PPP2R1B: variants seen among roughly 807,000 people sequenced by gnomAD.
PPP2R1B encodes the protein serine/threonine-protein phosphatase 2A 65 kDa regulatory subunit A beta isoform.
PPP2R1B carries 58 observed loss-of-function variants against 72.7 expected under a neutral mutation model. The ratio of observed to expected loss-of-function variants is 0.80; its 90% CI spans 0.65 to 0.99. PPP2R1B has a LOEUF of 0.99. Ranked by LOEUF, PPP2R1B falls within the 50% of genes least tolerant of loss-of-function variation. The pLI, the probability that PPP2R1B is intolerant of heterozygous loss-of-function variation, is 0.00. For missense variants in PPP2R1B, 695 were observed against 733.6 expected, an observed-to-expected ratio of 0.95 and a Z score of 0.61; for synonymous variants, 256 against 264.6, an observed-to-expected ratio of 0.97 and a Z score of 0.32.
downstream of PPP2R1B, chr11:111,726,884 G>C: frequency 7.7e-7 from 1 of 1,299,788 alleles, no homozygotes. Context: ...TGAGATGAAC[G>C]TGAGGTAAAA....
At chr11:111,703,192 G>T in the PPP2R1B span, 1 of 1,613,180 alleles carries the variant, frequency 6.2e-7, no homozygotes, top group Non-Finnish European at 8.5e-7. Context: ...GTAACATTGT[G>T]TTTTCTATAG....
chr11:111,718,446 A>G, the PPP2R1B span, among the ~76,000 whole-genome samples: 6 of 152,206 alleles, frequency 3.9e-5, no homozygotes, highest in Non-Finnish European at 8.8e-5. Flanking sequence ...GTGGAAAGGA[A>G]GCATTTACCA....
At chr11:111,692,606 A>G in the PPP2R1B span, among the ~76,000 whole-genome samples, 2 of 152,124 alleles carry the variant, frequency 1.3e-5, no homozygotes, top group Non-Finnish European at 2.9e-5. Context: ...ATGGATTCCA[A>G]TGTCTTTAAA....
the PPP2R1B span, among the ~76,000 whole-genome samples, chr11:111,690,098 C>A: frequency 6.6e-6 from 1 of 151,850 alleles, no homozygotes; most frequent in Non-Finnish European, 1.5e-5. Flanking sequence ...TAGTTTATGT[C>A]TGTTCACTTC....
chr11:111,764,940 A>G, intron 2 of PPP2R1B, 35 bp from the exon 3 acceptor site: 2 of 1,609,198 alleles, frequency 1.2e-6, no homozygotes, highest in Non-Finnish European at 1.7e-6. Context: ...ATCAACATGG[A>G]TAGCTCTCCC....
the PPP2R1B span, chr11:111,721,759 G>T: frequency 8.4e-7 from 1 of 1,195,018 alleles, no homozygotes. Flanking sequence ...TTGCAAAGGT[G>T]CTTCAGCTAA....
intron 3 of PPP2R1B, among the ~76,000 whole-genome samples, chr11:111,764,178 T>C (rs1413207354): frequency 1.3e-5 from 2 of 152,042 alleles, no homozygotes; most frequent in Non-Finnish European, 2.9e-5. Context: ...TGCTGACACA[T>C]AAAGGCAGTG....
At chr11:111,765,198 C>T in intron 2 of PPP2R1B, 96 bp downstream of exon 2, 1 of 1,257,360 alleles carries the variant, frequency 8.0e-7, no homozygotes, top group Non-Finnish European at 1.1e-6. Flanking sequence ...ACACCTGGCT[C>T]ATTTTAATGT....
At chr11:111,745,749 C>T (rs1202589613) in intron 11 of PPP2R1B, among the ~76,000 whole-genome samples, 2 of 152,216 alleles carry the variant, frequency 1.3e-5, no homozygotes, top group Non-Finnish European at 2.9e-5. Context: ...ACTGTCTACT[C>T]AACCACAGGA....
intron 13 of PPP2R1B, 53 bp downstream of exon 13, chr11:111,742,470 A>G: frequency 2.6e-6 from 4 of 1,567,472 alleles, no homozygotes; most frequent in Non-Finnish European, 3.5e-6. Flanking sequence ...TCCCCACTAT[A>G]AGGTAAAATT....
chr11:111,752,066 C>T, intron 10 of PPP2R1B, 93 bp downstream of exon 10: 1 of 1,346,578 alleles, frequency 7.4e-7, no homozygotes, highest in Non-Finnish European at 1.0e-6. Context: ...TCTAAACAAA[C>T]ATAAGCATAC....
chr11:111,691,868 A>C, the PPP2R1B span, among the ~76,000 whole-genome samples: 1 of 152,228 alleles, frequency 6.6e-6, no homozygotes, highest in Non-Finnish European at 1.5e-5. Context: ...CTCTGCTCTT[A>C]CCTCAAGGAG....
At chr11:111,691,984 G>A in the PPP2R1B span, among the ~76,000 whole-genome samples, 25 of 152,180 alleles carry the variant, frequency 1.6e-4, no homozygotes, top group East Asian at 4.6e-3. Flanking sequence ...GAAGAATCAG[G>A]GAAATTATTA....
the PPP2R1B span, among the ~76,000 whole-genome samples, chr11:111,717,665 C>T: frequency 1.4e-4 from 21 of 152,256 alleles, no homozygotes; most frequent in African/African-American, 4.8e-4. Flanking sequence ...CAGCTCTATT[C>T]ACAACAGCAA....
chr11:111,743,299 ACTG>A, intron 12 of PPP2R1B, 74 bp downstream of exon 12: 1 of 1,368,854 alleles, frequency 7.3e-7, no homozygotes, highest in Non-Finnish European at 1.0e-6. Flanking sequence ...AAGACAGTAT[ACTG>A]ATAATTCAGA....
intron 15 of PPP2R1B, among the ~76,000 whole-genome samples, chr11:111,731,771 C>A (rs1944202301): frequency 6.6e-6 from 1 of 152,214 alleles, no homozygotes; most frequent in African/African-American, 2.4e-5. Flanking sequence ...CTCAGTTCTG[C>A]CTTAAACTGG....
intron 5 of PPP2R1B, among the ~76,000 whole-genome samples, chr11:111,757,693 G>A (rs1380871298): frequency 5.3e-5 from 8 of 152,016 alleles, no homozygotes; most frequent in Middle Eastern, 3.2e-3. Context: ...AAATTAGCCA[G>A]TCATGGTGGC....
At chr11:111,718,296 C>A in the PPP2R1B span, among the ~76,000 whole-genome samples, 1 of 152,128 alleles carries the variant, frequency 6.6e-6, no homozygotes, top group Admixed American at 6.5e-5. Flanking sequence ...AGTTCTCAAA[C>A]AGCCATTCTT....
At chr11:111,720,942 C>A in the PPP2R1B span, 1 of 1,614,076 alleles carries the variant, frequency 6.2e-7, no homozygotes, top group South Asian at 1.1e-5. Context: ...TGGCTAGAAC[C>A]AAAGGAATTC....
Sources: gnomAD v4.1 joint callset for allele counts (sites outside exome capture counted in the v4.1 genomes callset) on GRCh38, gnomAD v4.1.1 for gene constraint, MANE v1.5 for transcripts, NCBI Gene and HGNC (gene_info 2026-07-23, HGNC 2026-07-21) for gene names.